The following AHNAK variants were observed in gnomAD, a reference collection of about 807,000 sequenced individuals.
The protein encoded by AHNAK is neuroblast differentiation-associated protein AHNAK.
In AHNAK, 23 loss-of-function variants were observed where a neutral mutation model predicts 37.8. The observed-to-expected ratio is 0.61, with a 90% CI of 0.44 to 0.86. AHNAK has a LOEUF of 0.86. Among genes scored for constraint, AHNAK ranks in the 40% least tolerant of loss-of-function variants. AHNAK has a pLI of 0.00. For missense variants in AHNAK, 7,411 were observed against 7,319.4 expected (o/e 1.01, Z -0.46); for synonymous variants, 2,481 against 2,636.3 (o/e 0.94, Z 1.80).
chr11:62,470,794 C>CT (rs1015588119), intron 5 of AHNAK, among the ~76,000 whole-genome samples: 10 of 151,674 alleles, frequency 6.6e-5, no homozygotes, highest in Non-Finnish European at 1.2e-4. Flanking sequence ...TCTGTCACCT[C>CT]TTTTTTCTTT....
chr11:62,514,106 TTGATA>T, downstream of AHNAK, among the ~76,000 whole-genome samples: 1 of 152,274 alleles, frequency 6.6e-6, no homozygotes, highest in East Asian at 1.9e-4. Context: ...AAAAATTTAA[TTGATA>T]TATTATTGGA....
chr11:62,531,207 T>C lies in AHNAK; in HGVS notation c.3210A>G (p.Pro1070=), dbSNP rs1940733581. 4 of 1,613,984 alleles carry C rather than the reference T, an allele frequency of 2.5e-6. No homozygotes were observed. Among genetic ancestry groups the C allele is most frequent in the Non-Finnish European group, 3.4e-6 (4 of 1,179,998 alleles). The change falls in exon 5 of 5, where the codon CCA becomes CCG. Residue 1070 remains proline (P), a synonymous_variant. Transcript: ENST00000378024. ...MHFRAPKMSL[P]DVDLDLKGPK... is the part of the protein sequence containing the mutation. Reference sequence around the variant, plus strand: ...GTCCTTTAAGATCCAGGTCAACATCTGGCAAAGACATCTTAGGAGCTCTGA... The same window carrying C: ...GTCCTTTAAGATCCAGGTCAACATCCGGCAAAGACATCTTAGGAGCTCTGA...
At chr11:62,500,799 G>A (rs781443139) in intron 4 of AHNAK, among the ~76,000 whole-genome samples, 2 of 152,216 alleles carry the variant, frequency 1.3e-5, no homozygotes, top group Non-Finnish European at 2.9e-5. Flanking sequence ...CAGGGAACCA[G>A]CAGAAGCCTC....
chr11:62,441,157 C>T (rs569836972), intron 5 of AHNAK, among the ~76,000 whole-genome samples: 1 of 152,092 alleles, frequency 6.6e-6, no homozygotes, highest in African/African-American at 2.4e-5. Context: ...TGTGCCACCA[C>T]GCCCGGCTAA....
In AHNAK at chr11:62,479,722, C is replaced by T. The variant is rs560897994; in HGVS notation, c.442+12010G>A. ...CCAACCAAATGCCTTCCATTCCCTT[C>T]TTCCACGACGCACGAAACAGATAAG... On this transcript the variant is annotated intron_variant, in intron 5 of 5. Coordinates refer to the AHNAK transcript ENST00000257247. Among the ~76,000 whole-genome samples, 3 of 152,244 alleles carry T rather than the reference C, an allele frequency of 2.0e-5. No homozygotes were observed. In the South Asian group the frequency reaches 6.2e-4, roughly 32 times the overall value.
intron 5 of AHNAK, among the ~76,000 whole-genome samples, chr11:62,435,549 A>T (rs1938149427): frequency 6.6e-6 from 1 of 150,396 alleles, no homozygotes; most frequent in South Asian, 2.1e-4. Flanking sequence ...GTAGCTGGGG[A>T]CTACAGGCGC....
At chr11:62,534,172 A>AGCTTCTCT in intron 4 of AHNAK, 98 bp from the exon 5 acceptor site, 3 of 1,349,054 alleles carry the variant, frequency 2.2e-6, no homozygotes, top group Non-Finnish European at 3.0e-6. Context: ...CCTGTTTCCC[A>AGCTTCTCT]GAGAAGCTGG....
chr11:62,516,203 A>G lies in AHNAK; in HGVS notation c.*541T>C, dbSNP rs1323128070. The G allele has an allele frequency of 2.3e-6, 3 of 1,289,170 alleles. No homozygotes were observed. Among genetic ancestry groups the G allele is most frequent in the Non-Finnish European group, 2.0e-6 (2 of 988,672 alleles). 79.9% of individuals were successfully genotyped at this position (1,289,170 alleles called of 1,614,324 possible). On this transcript the variant is annotated 3_prime_UTR_variant, in exon 5 of 5. Transcript: ENST00000378024. ...ACCCCTGGGTGAAAGAAACAACACT[A>G]AAGAACCCTAAAAACACCCACACAC...
chr11:62,479,157 T>C (rs1939210056), intron 5 of AHNAK, among the ~76,000 whole-genome samples: 1 of 83,694 alleles, frequency 1.2e-5, no homozygotes, highest in African/African-American at 3.4e-5. Context: ...TTTCTTTTTT[T>C]TTCTTTTTTC....
chr11:62,524,556 A>G lies in AHNAK; in HGVS notation c.9861T>C (p.His3287=), dbSNP rs371756313. Residue 3287 remains histidine (H), a synonymous_variant, in exon 5 of 5, where the codon CAT becomes CAC. Coordinates refer to ENST00000378024, the MANE Select transcript of AHNAK (RefSeq NM_001620.3). ...GCATGGAGATCTTGGGCATGTTTAC[A>G]TGCATGTCAGGCATCTTCAGTTTTG... ...KGPKLKMPDM[H]VNMPKISMPE... is the part of the protein sequence containing the mutation. 4 of 1,613,922 alleles carry G rather than the reference A, an allele frequency of 2.5e-6. No homozygotes were observed. Among genetic ancestry groups the G allele is most frequent in the Non-Finnish European group, 2.5e-6 (3 of 1,179,946 alleles).
At chr11:62,462,992 G>A (rs1004031628) in intron 5 of AHNAK, among the ~76,000 whole-genome samples, 8 of 151,706 alleles carry the variant, frequency 5.3e-5, no homozygotes, top group South Asian at 2.1e-4. Context: ...TTAGCCGGGC[G>A]TGGTGCCTGT....
intron 5 of AHNAK, among the ~76,000 whole-genome samples, chr11:62,441,340 G>A (rs932650534): frequency 2.0e-4 from 31 of 151,794 alleles, no homozygotes; most frequent in African/African-American, 6.0e-4. Context: ...GCATGGTACC[G>A]TGTACACCTG....
In AHNAK at chr11:62,518,582, A is replaced by C; in HGVS notation, c.15835T>G (p.Ser5279Ala). 1 of 1,614,160 alleles carries C rather than the reference A, an allele frequency of 6.2e-7. No homozygotes were observed. Among genetic ancestry groups the C allele is most frequent in the Non-Finnish European group, 8.5e-7 (1 of 1,180,020 alleles). ...AAGTCTACTCCTGGCCCCTTTAGAG[A>C]AACATCGGGCCCTTCGAGCTTAACA... Reference protein sequence around the residue: ...PDVKLEGPDVSLKGPGVDLPS... With the variant: ...PDVKLEGPDVALKGPGVDLPS... The change falls in exon 5 of 5, where the codon TCT becomes GCT. Residue 5279 changes from serine (S) to alanine (A), a missense_variant. Physicochemically the swap from Ser to Ala is moderately conservative, Grantham distance 99. Coordinates refer to ENST00000378024, the MANE Select transcript of AHNAK (RefSeq NM_001620.3).
chr11:62,441,444 A>G (rs1220058849), intron 5 of AHNAK, among the ~76,000 whole-genome samples: 5 of 152,058 alleles, frequency 3.3e-5, no homozygotes, highest in Admixed American at 2.6e-4. Context: ...CTGCCCTCCA[A>G]CCTACGTGAC....
In AHNAK at chr11:62,517,558, G is replaced by C. The variant is rs1272110110; in HGVS notation, c.16859C>G (p.Ser5620Ter). The C allele has an allele frequency of 1.2e-6, 2 of 1,614,016 alleles. No individual in the cohort carries two copies. Among genetic ancestry groups the C allele is most frequent in the Non-Finnish European group, 8.5e-7 (1 of 1,180,048 alleles). Residue 5620 changes from serine to a stop codon, truncating the protein, a stop_gained, in exon 5 of 5, where the codon TCA becomes TGA. Transcript: ENST00000378024. LOFTEE classifies it high-confidence loss of function. ...TSKFAGGLHF[S>*]GPKVEGGVKG... ...CACACCTCCTTCCACCTTTGGTCCTGAGAAATGAAGGCCCCCAGCAAACTT... is the reference window on the plus strand; with the variant it reads ...CACACCTCCTTCCACCTTTGGTCCTCAGAAATGAAGGCCCCCAGCAAACTT...
chr11:62,493,540 G>A (rs1670896724), intron 4 of AHNAK, among the ~76,000 whole-genome samples: 1 of 151,930 alleles, frequency 6.6e-6, no homozygotes, highest in Admixed American at 6.6e-5. Flanking sequence ...CACTATCTTG[G>A]CCAAGCTGGT....
intron 5 of AHNAK, among the ~76,000 whole-genome samples, chr11:62,478,606 G>A (rs1401651609): frequency 1.3e-5 from 2 of 152,002 alleles, no homozygotes; most frequent in African/African-American, 2.4e-5. Flanking sequence ...AAATTAGCTG[G>A]GCATGGTGGC....
In AHNAK at chr11:62,485,341, G is replaced by A. The variant is rs570328158; in HGVS notation, c.442+6391C>T. 1.6e-4 allele frequency among the ~76,000 whole-genome samples: 24 copies of A among 152,112 alleles called. No homozygotes were observed. In the South Asian group the frequency reaches 3.3e-3, roughly 21 times the overall value. On this transcript the variant is annotated intron_variant, in intron 5 of 5. Transcript: ENST00000257247. ...CAGGAGTTTGAGGCTACAGTGAGAC[G>A]TAATCCCAACAGTATACTCCAGCTT...
chr11:62,457,072 G>A (rs1223968032), intron 5 of AHNAK, among the ~76,000 whole-genome samples: 2 of 152,120 alleles, frequency 1.3e-5, no homozygotes, highest in South Asian at 2.1e-4. Context: ...AGGCCGAGGC[G>A]GGAGGATCAC....
Sources: gnomAD v4.1 joint callset for allele counts (sites outside exome capture counted in the v4.1 genomes callset) on GRCh38, gnomAD v4.1.1 for gene constraint, MANE v1.5 for transcripts, NCBI Gene and HGNC (gene_info 2026-07-23, HGNC 2026-07-21) for gene names.